FHAD1: variants seen among roughly 807,000 people sequenced by gnomAD.
FHAD1 encodes forkhead-associated domain-containing protein 1.
A neutral mutation model predicts 191.3 loss-of-function variants in FHAD1; 146 were observed. That is an observed-to-expected ratio of 0.76 (90% CI 0.67 to 0.88). The LOEUF is 0.88. Among genes scored for constraint, FHAD1 ranks in the 40% least tolerant of loss-of-function variants. FHAD1 has a pLI of 0.00. For synonymous variants in FHAD1, 616 were observed against 672.3 expected (o/e 0.92, Z 1.29); for missense variants, 1,635 against 1,785.8 (o/e 0.92, Z 1.52).
chr1:15,259,248 G>A (rs780199011), intron 2 of FHAD1, among the ~76,000 whole-genome samples: 3 of 152,134 alleles, frequency 2.0e-5, no homozygotes, highest in Non-Finnish European at 2.9e-5. Flanking sequence ...GAGGCATCTC[G>A]TGTGGTTTTG....
At chr1:15,341,490 G>A (rs752107878) in intron 15 of FHAD1, among the ~76,000 whole-genome samples, 2 of 152,088 alleles carry the variant, frequency 1.3e-5, no homozygotes, top group Non-Finnish European at 2.9e-5. Context: ...AACTCTAAAA[G>A]ATCAATACTG....
At chr1:15,337,350 G>A (rs549029057) in intron 14 of FHAD1, among the ~76,000 whole-genome samples, 12 of 152,238 alleles carry the variant, frequency 7.9e-5, no homozygotes, top group South Asian at 2.1e-4. Context: ...GTCTGATGAC[G>A]AGGCCACCAT....
intron 2 of FHAD1, among the ~76,000 whole-genome samples, chr1:15,255,868 C>T (rs1647789363): frequency 6.6e-6 from 1 of 152,218 alleles, no homozygotes; most frequent in Non-Finnish European, 1.5e-5. Context: ...AGGACTCCTT[C>T]ATGCCACCGT....
chr1:15,392,654 G>C (rs564609267), intron 33 of FHAD1, among the ~76,000 whole-genome samples: 15 of 152,184 alleles, frequency 9.9e-5, no homozygotes, highest in Non-Finnish European at 1.6e-4. Flanking sequence ...AAGATGCGAC[G>C]TGGAAAATCT....
intron 1 of FHAD1, among the ~76,000 whole-genome samples, chr1:15,239,460 T>C (rs1042931744): frequency 1.6e-4 from 24 of 152,106 alleles, no homozygotes; most frequent in African/African-American, 5.8e-4. Context: ...TGGTGGTGCA[T>C]GCCTGTGGTT....
chr1:15,379,689 C>T (rs566777158), intron 28 of FHAD1, among the ~76,000 whole-genome samples: 3 of 152,342 alleles, frequency 2.0e-5, no homozygotes, highest in Admixed American at 6.5e-5. Context: ...ATGCGGCTTC[C>T]GCAGTGTTTG....
chr1:15,401,980 C>T (rs1046371492), downstream of FHAD1, among the ~76,000 whole-genome samples: 3 of 152,164 alleles, frequency 2.0e-5, no homozygotes, highest in Admixed American at 6.5e-5. Context: ...GCAATGCCTC[C>T]GTCCAGTTGG....
At chr1:15,269,712 A>G (rs1655072077) in intron 2 of FHAD1, among the ~76,000 whole-genome samples, 1 of 152,146 alleles carries the variant, frequency 6.6e-6, no homozygotes, top group Admixed American at 6.5e-5. Flanking sequence ...CTATGCCTTT[A>G]CTAATTTTCT....
chr1:15,393,428 A>G (rs1018095204), intron 33 of FHAD1, among the ~76,000 whole-genome samples: 6 of 131,014 alleles, frequency 4.6e-5, no homozygotes, highest in African/African-American at 7.4e-5. Context: ...ACACACACAC[A>G]CGCACACACA....
chr1:15,330,363 A>G (rs1680712687), intron 14 of FHAD1, among the ~76,000 whole-genome samples: 1 of 152,218 alleles, frequency 6.6e-6, no homozygotes, highest in Non-Finnish European at 1.5e-5. Flanking sequence ...CAGAGGCCAC[A>G]TGTTGTGCAG....
At chr1:15,282,848 C>T (rs1158420287) in intron 3 of FHAD1, among the ~76,000 whole-genome samples, 1 of 152,208 alleles carries the variant, frequency 6.6e-6, no homozygotes, top group Non-Finnish European at 1.5e-5. Context: ...GGTGTAAATA[C>T]TCCCATTAAT....
At chr1:15,384,954 C>T (rs537186331) in intron 31 of FHAD1, among the ~76,000 whole-genome samples, 22 of 152,196 alleles carry the variant, frequency 1.4e-4, no homozygotes, top group African/African-American at 5.1e-4. Flanking sequence ...CAGCGACCTC[C>T]GATCCCGGCC....
At position 15,345,423 on chromosome 1, in the gene FHAD1, C is replaced by T. The variant is rs771376794; in HGVS notation, c.2246C>T (p.Ala749Val). Residue 749 changes from alanine to valine, a missense_variant, in exon 18 of 34, where the codon GCG becomes GTG. Coordinates refer to ENST00000688493, the MANE Select transcript of FHAD1 (RefSeq NM_001391957.1). ...SLLAQQKKALAKSITQEKNRV... is the reference protein window; with the variant it reads ...SLLAQQKKALVKSITQEKNRV... ...CAATGATCGTTGACTCAGGCTTTGG[C>T]GAAAAGCATTACCCAGGAGAAGAAC... is the stretch of plus-strand genomic sequence containing the variant. 3.0e-5 allele frequency: 47 copies of T among 1,552,094 alleles called. No individual in the cohort carries two copies. Among genetic ancestry groups the T allele is most frequent in the East Asian group, 1.5e-4 (6 of 40,914 alleles).
In FHAD1 at chr1:15,301,543, G is replaced by A. The variant is rs1558049074; in HGVS notation, c.915+102G>A. On this transcript the variant is annotated intron_variant, in intron 6 of 33. Transcript: ENST00000688493. Reference sequence around the variant, plus strand: ...GCCACCCAGAGTTAGGGAACGCGTGGTCAGTGGAGCATGGTGGTTAAGAAC... The same window carrying A: ...GCCACCCAGAGTTAGGGAACGCGTGATCAGTGGAGCATGGTGGTTAAGAAC... 4.4e-6 allele frequency: 4 copies of A among 906,478 alleles called. No individual in the cohort carries two copies. The East Asian group carries it at 1.1e-4, about 24-fold the overall frequency. 56.2% of individuals were successfully genotyped at this position (906,478 alleles called of 1,614,324 possible).
chr1:15,349,008 C>T (rs1334524733), intron 18 of FHAD1, 34 bp from the exon 19 acceptor site: 1 of 1,357,540 alleles, frequency 7.4e-7, no homozygotes, highest in Non-Finnish European at 1.0e-6. Context: ...CCTAAATGTG[C>T]AGGCCACCAA....
chr1:15,249,894 T>C (rs1413995924), intron 1 of FHAD1, among the ~76,000 whole-genome samples: 2 of 152,156 alleles, frequency 1.3e-5, no homozygotes, highest in Non-Finnish European at 2.9e-5. Context: ...GCAATCTCCC[T>C]GCCCGAATGC....
chr1:15,381,120 G>A lies in FHAD1; in HGVS notation c.3802-111G>A. Reference sequence around the variant, plus strand: ...GCACATCCTTTCAAAGCATGTGCGTGTTCTCTGCAATTGCAGAAAGTGAAT... The same window carrying A: ...GCACATCCTTTCAAAGCATGTGCGTATTCTCTGCAATTGCAGAAAGTGAAT... On this transcript the variant is annotated intron_variant, in intron 29 of 33. Coordinates refer to ENST00000688493, the MANE Select transcript of FHAD1 (RefSeq NM_001391957.1). This position sits in a 1 kb window ranked among gnomAD's most constrained non-coding sequence, Gnocchi z 4.6. 4.1e-6 allele frequency: 3 copies of A among 733,186 alleles called. No homozygotes were observed. The highest frequency in any genetic ancestry group is 6.8e-6 in the Non-Finnish European group (3 of 438,832). The allele number at this position is 733,186 out of a possible 1,614,324, so 45.4% of individuals were successfully genotyped here. A position where few individuals can be genotyped will look rare whatever the true frequency, so the allele number is the denominator to read the frequency against.
chr1:15,289,693 C>G lies in FHAD1; in HGVS notation c.568+27C>G. 6.5e-7 allele frequency: 1 copy of G among 1,530,044 alleles called. No homozygotes were observed. The highest frequency in any genetic ancestry group is 1.2e-5 in the South Asian group (1 of 83,004). 94.8% of individuals were successfully genotyped at this position (1,530,044 alleles called of 1,614,324 possible). On this transcript the variant is annotated intron_variant, in intron 4 of 33. Coordinates refer to ENST00000688493, the MANE Select transcript of FHAD1 (RefSeq NM_001391957.1). The surrounding 1 kb of genome is among the most constrained non-coding windows in gnomAD (Gnocchi z 4.2). ...TATGCGTCAGGGCTGCCATTGGTGG[C>G]TTGGGGGTGGTTCACGGCCATGTGG...
At chr1:15,251,452 G>T (rs1235867522) in intron 1 of FHAD1, among the ~76,000 whole-genome samples, 1 of 152,168 alleles carries the variant, frequency 6.6e-6, no homozygotes, top group Non-Finnish European at 1.5e-5. Context: ...GAGGTGGAGA[G>T]CAATCATCAC....
Sources: allele counts gnomAD v4.1 joint callset (sites outside exome capture counted in the v4.1 genomes callset), GRCh38; gene constraint gnomAD v4.1.1; non-coding constraint Gnocchi (gnomAD v3.1); transcripts MANE v1.5; gene names NCBI Gene and HGNC (gene_info 2026-07-23, HGNC 2026-07-21).